Variants in TPX2 observed in about 807,000 individuals in gnomAD.
TPX2 encodes the protein TPX2 microtubule nucleation factor.
TPX2 carries 21 observed loss-of-function variants against 93.6 expected under a neutral mutation model. The ratio of observed to expected loss-of-function variants is 0.22; its 90% CI spans 0.16 to 0.32. TPX2 has a LOEUF of 0.32. Ranked by LOEUF, TPX2 falls within the 10% of genes least tolerant of loss-of-function variation. The probability of loss-of-function intolerance (pLI) is 1.00; values close to 1 mark genes in which losing one functional copy is unlikely to be tolerated. For missense variants in TPX2, 776 were observed against 871.1 expected (o/e 0.89, Z 1.37); for synonymous variants, 281 against 298.3 (o/e 0.94, Z 0.60).
At chr20:31,748,742 C>G (rs540528828) in intron 2 of TPX2, among the ~76,000 whole-genome samples, 19 of 152,136 alleles carry the variant, frequency 1.2e-4, no homozygotes, top group Non-Finnish European at 7.4e-5. Context: ...AGTGTAACTT[C>G]TCTGAGCTTG....
rs184541960 is a variant in TPX2, at chr20:31,741,998, T to C, written c.-177-543T>C. On this transcript the variant is annotated intron_variant, in intron 1 of 17. Coordinates refer to ENST00000300403, the MANE Select transcript of TPX2 (RefSeq NM_012112.5). ...TGTAGAGATCAGCAGCCCAAGGTACTCTGTGAAAAAAGGATAGATAACTGC... is the reference window on the plus strand; with the variant it reads ...TGTAGAGATCAGCAGCCCAAGGTACCCTGTGAAAAAAGGATAGATAACTGC... Among the ~76,000 whole-genome samples the C allele has an allele frequency of 1.0e-3, 157 of 152,242 alleles. 2 individuals are homozygous for C. In the South Asian group the frequency reaches 0.027, roughly 26 times the overall value.
chr20:31,766,564 A>G lies in TPX2; in HGVS notation c.238A>G (p.Thr80Ala). 6.2e-7 allele frequency: 1 copy of G among 1,612,744 alleles called. No homozygotes were observed. The highest frequency in any genetic ancestry group is 1.7e-5 in the Admixed American group (1 of 59,732). ...CTTTTGGTCTTCCGCAGTTGACAAC[A>G]CTTACTACAAAGAGGCAGAAAAAGA... Reference protein sequence around the residue: ...IVTPLKPVDNTYYKEAEKENL... With the variant: ...IVTPLKPVDNAYYKEAEKENL... Residue 80 changes from threonine to alanine, a missense_variant, in exon 5 of 18, where the codon ACT becomes GCT. This residue lies in a region of TPX2 where 279 missense variants were observed against 261.6 expected (regional missense o/e 1.07). Transcript: ENST00000300403.
rs1286436768 is a variant in TPX2, at chr20:31,775,896, A to G, written c.638A>G (p.Gln213Arg). ...AAGTTTCTAAAAAGTACTGAGGAGC[A>G]AGAGCTGGAGAAGAGTATGAAAATG... ...KQKFLKSTEE[Q>R]ELEKSMKMQQ... Residue 213 changes from glutamine to arginine, a missense_variant, in exon 8 of 18, where the codon CAA (glutamine) becomes CGA (arginine). Coordinates refer to ENST00000300403, the MANE Select transcript of TPX2 (RefSeq NM_012112.5). 2.5e-6 allele frequency: 4 copies of G among 1,601,974 alleles called. No individual in the cohort carries two copies. The highest frequency in any genetic ancestry group is 1.1e-5 in the South Asian group (1 of 89,404).
intron 2 of TPX2, among the ~76,000 whole-genome samples, chr20:31,751,786 A>G (rs935690001): frequency 6.6e-6 from 1 of 152,234 alleles, no homozygotes; most frequent in South Asian, 2.1e-4. Context: ...CTTGTCACCC[A>G]GGCTGGAGTG....
At chr20:31,782,703 C>G (rs910993155) in intron 11 of TPX2, among the ~76,000 whole-genome samples, 1 of 151,986 alleles carries the variant, frequency 6.6e-6, no homozygotes, top group African/African-American at 2.4e-5. Context: ...GCCTGGGCAA[C>G]ATGGTGAAAC....
chr20:31,759,632 T>A (rs927175274), intron 3 of TPX2, among the ~76,000 whole-genome samples: 1 of 151,986 alleles, frequency 6.6e-6, no homozygotes, highest in Non-Finnish European at 1.5e-5. Flanking sequence ...TCTCCTGACC[T>A]CATGACCCAC....
At chr20:31,749,523 C>T (rs886606562) in intron 2 of TPX2, among the ~76,000 whole-genome samples, 3 of 152,094 alleles carry the variant, frequency 2.0e-5, no homozygotes, top group Admixed American at 1.3e-4. Flanking sequence ...TGGCCGGGCA[C>T]GGTGGCTTAC....
chr20:31,762,675 A>T (rs1163943577), intron 4 of TPX2, among the ~76,000 whole-genome samples: 3 of 152,110 alleles, frequency 2.0e-5, no homozygotes, highest in African/African-American at 7.2e-5. Flanking sequence ...GTTGTTTCAT[A>T]GTTTAAGGTC....
chr20:31,749,615 G>A (rs1418330509), intron 2 of TPX2, among the ~76,000 whole-genome samples: 1 of 151,740 alleles, frequency 6.6e-6, no homozygotes, highest in Non-Finnish European at 1.5e-5. Flanking sequence ...GGCCAACATG[G>A]TGAAACCCCG....
At chr20:31,759,331 A>G (rs1216353513) in intron 3 of TPX2, among the ~76,000 whole-genome samples, 4 of 149,368 alleles carry the variant, frequency 2.7e-5, no homozygotes, top group Admixed American at 1.3e-4. Flanking sequence ...TGAGGAGGAA[A>G]CTCTGTAAGA....
At chr20:31,754,086 G>A (rs1434717604) in intron 2 of TPX2, among the ~76,000 whole-genome samples, 1 of 151,880 alleles carries the variant, frequency 6.6e-6, no homozygotes, top group African/African-American at 2.4e-5. Flanking sequence ...ATAAGGACCA[G>A]AAGTACATTA....
At chr20:31,773,986 C>T (rs2061980386) in intron 7 of TPX2, among the ~76,000 whole-genome samples, 1 of 151,948 alleles carries the variant, frequency 6.6e-6, no homozygotes, top group Admixed American at 6.6e-5. Context: ...ATTCTCCTCC[C>T]TCAGCCTCCC....
chr20:31,739,922 A>G (rs1325303792), intron 1 of TPX2, among the ~76,000 whole-genome samples: 1 of 152,244 alleles, frequency 6.6e-6, no homozygotes, highest in Non-Finnish European at 1.5e-5. Flanking sequence ...TAAAACAGGA[A>G]GATAATTAGA....
At chr20:31,748,218 C>T (rs967634719) in intron 2 of TPX2, among the ~76,000 whole-genome samples, 4 of 152,084 alleles carry the variant, frequency 2.6e-5, no homozygotes, top group Admixed American at 6.6e-5. Flanking sequence ...TTTAAAATTT[C>T]ACCTAAAGAT....
At chr20:31,799,340 A>G (rs1270995424) in intron 17 of TPX2, among the ~76,000 whole-genome samples, 1 of 152,248 alleles carries the variant, frequency 6.6e-6, no homozygotes, top group Non-Finnish European at 1.5e-5. Flanking sequence ...AGTTACAGTT[A>G]GATGGGAGGA....
chr20:31,771,826 T>G, intron 7 of TPX2, 144 bp downstream of exon 7: 2 of 832,522 alleles, frequency 2.4e-6, no homozygotes, highest in Non-Finnish European at 3.6e-6. Context: ...TGTGTCCTGA[T>G]GGGTGCTCAG....
intron 8 of TPX2, among the ~76,000 whole-genome samples, chr20:31,776,683 G>C (rs909227428): frequency 6.6e-6 from 1 of 151,884 alleles, no homozygotes; most frequent in African/African-American, 2.4e-5. Context: ...CCACCACCAC[G>C]TCTGGCTAGT....
At chr20:31,772,581 A>G (rs1600376508) in intron 7 of TPX2, among the ~76,000 whole-genome samples, 1 of 152,140 alleles carries the variant, frequency 6.6e-6, no homozygotes, top group Non-Finnish European at 1.5e-5. Flanking sequence ...TATTTTTCCA[A>G]CCTCCCTGCT....
In TPX2 at chr20:31,757,392, C is replaced by G. The variant is rs1171595953; in HGVS notation, c.-70-15C>G. 4.6e-6 allele frequency: 5 copies of G among 1,075,448 alleles called. No individual in the cohort carries two copies. Among genetic ancestry groups the G allele is most frequent in the Non-Finnish European group, 6.9e-6 (5 of 722,820 alleles). 66.6% of individuals were successfully genotyped at this position (1,075,448 alleles called of 1,614,324 possible). Reference sequence around the variant, plus strand: ...GAATTTACTTAGATTTATGTGCAACCATTTCTTTCCTCAGAAGGTGACCTG... The same window carrying G: ...GAATTTACTTAGATTTATGTGCAACGATTTCTTTCCTCAGAAGGTGACCTG... On this transcript the variant is annotated splice_polypyrimidine_tract_variant and intron_variant, in intron 2 of 17. Transcript: ENST00000300403.
Sources: allele counts gnomAD v4.1 joint callset (sites outside exome capture counted in the v4.1 genomes callset), GRCh38; gene constraint gnomAD v4.1.1; regional missense constraint gnomAD v4.1.1; transcripts MANE v1.5; gene names NCBI Gene and HGNC (gene_info 2026-07-23, HGNC 2026-07-21).